The following PTPRT variants were observed in gnomAD, a reference collection of about 807,000 sequenced individuals.
The protein encoded by PTPRT is receptor-type tyrosine-protein phosphatase T.
A neutral mutation model predicts 176.8 loss-of-function variants in PTPRT; 56 were observed. That is an observed-to-expected ratio of 0.32 (90% CI 0.26 to 0.40). PTPRT has a LOEUF of 0.40. PTPRT is among the 10% of genes least tolerant of loss of function. PTPRT has a pLI of 1.00. For missense variants in PTPRT, 1,540 were observed against 1,908.2 expected, an observed-to-expected ratio of 0.81 and a Z score of 3.60; for synonymous variants, 783 against 739.0, an observed-to-expected ratio of 1.06 and a Z score of -0.96.
At position 42,379,130 on chromosome 20, in the gene PTPRT, T is replaced by A. The variant is rs142610376; in HGVS notation, c.1561-26845A>T. Among the ~76,000 whole-genome samples the A allele has an allele frequency of 2.3e-4, 35 of 152,296 alleles. 1 individual carries two copies. The East Asian group carries it at 6.2e-3, about 27-fold the overall frequency. On this transcript the variant is annotated intron_variant, in intron 9 of 30. Coordinates refer to ENST00000373187, the MANE Select transcript of PTPRT (RefSeq NM_007050.6). ...ACTCTGGCGTGCCCAGCCTCCCCAG[T>A]CTTATGCCTACCACTCCCTCCCTCA...
intron 9 of PTPRT, among the ~76,000 whole-genome samples, chr20:42,430,360 C>T (rs1048660070): frequency 8.5e-5 from 13 of 152,180 alleles, no homozygotes; most frequent in East Asian, 5.8e-4. Context: ...TGAACTTCAA[C>T]GTGCACAGTG....
rs34394692 is a variant in PTPRT, at chr20:42,329,947, T to C, written c.1866-13951A>G. ...TTTTTTAATTTAATATGTTACAAAA[T>C]AGCTGTAGTATCATATTTTTAATTG... On this transcript the variant is annotated intron_variant, in intron 11 of 30. Transcript: ENST00000373187. Among the ~76,000 whole-genome samples the C allele has an allele frequency of 9.0e-3, 1,367 of 152,278 alleles. 10 individuals are homozygous for C. Among genetic ancestry groups the C allele is most frequent in the Middle Eastern group, 0.031 (9 of 294 alleles).
At chr20:43,039,451 G>A (rs775997849) in intron 1 of PTPRT, among the ~76,000 whole-genome samples, 3 of 151,402 alleles carry the variant, frequency 2.0e-5, no homozygotes, top group Non-Finnish European at 2.9e-5. Flanking sequence ...AGAGAGGAAA[G>A]GAAGAAGGGA....
Position 42,851,526 on chromosome 20 carries a change from C to T in PTPRT, c.214+34281G>A, listed in dbSNP as rs74338054. ...ATTCCTTTTACTCTCAAAAATGTCCCTATTGAAACAAAAATAAATATGTCA... is the reference window on the plus strand; with the variant it reads ...ATTCCTTTTACTCTCAAAAATGTCCTTATTGAAACAAAAATAAATATGTCA... On this transcript the variant is annotated intron_variant, in intron 2 of 30. Coordinates refer to ENST00000373187, the MANE Select transcript of PTPRT (RefSeq NM_007050.6). Among the ~76,000 whole-genome samples, 1,207 of 152,202 alleles carry T rather than the reference C, an allele frequency of 7.9e-3. 14 individuals carry two copies. The highest frequency in any genetic ancestry group is 0.028 in the African/African-American group (1,147 of 41,528).
the PTPRT span, among the ~76,000 whole-genome samples, chr20:42,067,090 A>T: frequency 6.6e-6 from 1 of 152,108 alleles, no homozygotes; most frequent in African/African-American, 2.4e-5. Flanking sequence ...TCACCCTTAC[A>T]AGCGAAGGTG....
At chr20:42,482,970 ATG>A (rs945873572) in intron 7 of PTPRT, among the ~76,000 whole-genome samples, 12 of 152,188 alleles carry the variant, frequency 7.9e-5, no homozygotes, top group African/African-American at 2.9e-4. Flanking sequence ...ACCAAATTGC[ATG>A]TGTTTTGAAG....
Position 42,080,440 on chromosome 20 carries a change from C to G in PTPRT, c.*439G>C, listed in dbSNP as rs1017066476. 7 of 237,510 alleles carry G rather than the reference C, an allele frequency of 2.9e-5. No individual in the cohort carries two copies. Among genetic ancestry groups the G allele is most frequent in the Admixed American group, 5.4e-5 (1 of 18,396 alleles). The allele number at this position is 237,510 out of a possible 1,614,324, so 14.7% of individuals were successfully genotyped here. A position where few individuals can be genotyped will look rare whatever the true frequency, so the allele number is the denominator to read the frequency against. On this transcript the variant is annotated 3_prime_UTR_variant, in exon 31 of 31. Coordinates refer to ENST00000373187, the MANE Select transcript of PTPRT (RefSeq NM_007050.6). ...CAGCAGAGCAGTGACCCCCAAGAGC[C>G]TCAATCTTTTCCATGACGTAGAGGA... is the stretch of plus-strand genomic sequence containing the variant.
chr20:42,340,800 C>G (rs1568790312), intron 11 of PTPRT, among the ~76,000 whole-genome samples: 1 of 150,810 alleles, frequency 6.6e-6, no homozygotes, highest in African/African-American at 2.4e-5. Context: ...GATGCAAACT[C>G]TCATGGGGCC....
chr20:42,500,513 T>C lies in PTPRT; in HGVS notation c.1154-27951A>G, dbSNP rs73273361. Among the ~76,000 whole-genome samples the C allele has an allele frequency of 8.7e-3, 1,320 of 152,204 alleles. 18 individuals are homozygous for C. Among genetic ancestry groups the C allele is most frequent in the African/African-American group, 0.031 (1,279 of 41,540 alleles). Reference sequence around the variant, plus strand: ...GTAATCTTTTTTCCTCTCTAGACAATCATGCCACATGTGACTAGTATAACA... The same window carrying C: ...GTAATCTTTTTTCCTCTCTAGACAACCATGCCACATGTGACTAGTATAACA... On this transcript the variant is annotated intron_variant, in intron 7 of 30. Transcript: ENST00000373187.
At chr20:43,140,375 C>A (rs1472444509) in intron 1 of PTPRT, among the ~76,000 whole-genome samples, 3 of 151,912 alleles carry the variant, frequency 2.0e-5, no homozygotes, top group African/African-American at 7.3e-5. Flanking sequence ...CACACACACA[C>A]AAAATCAGAT....
intron 6 of PTPRT, among the ~76,000 whole-genome samples, chr20:42,718,906 G>A (rs758230958): frequency 5.9e-5 from 9 of 152,168 alleles, no homozygotes; most frequent in African/African-American, 1.4e-4. Context: ...GAGAGCTGAC[G>A]AGAGCCAATG....
At chr20:43,186,339 C>T (rs557004482) in intron 1 of PTPRT, among the ~76,000 whole-genome samples, 2 of 152,222 alleles carry the variant, frequency 1.3e-5, no homozygotes, top group Non-Finnish European at 2.9e-5. Flanking sequence ...AATTCCCCTG[C>T]GCCCACCCTC....
At chr20:42,852,139 T>C (rs1327481271) in intron 2 of PTPRT, among the ~76,000 whole-genome samples, 1 of 152,222 alleles carries the variant, frequency 6.6e-6, no homozygotes, top group Non-Finnish European at 1.5e-5. Context: ...AAATGTCCCT[T>C]TTGCCATTCT....
chr20:42,691,225 T>C (rs2075788509), intron 6 of PTPRT, among the ~76,000 whole-genome samples: 2 of 151,908 alleles, frequency 1.3e-5, no homozygotes, highest in East Asian at 3.9e-4. Flanking sequence ...GCAGAACAAA[T>C]ATGACAAGAT....
intron 2 of PTPRT, among the ~76,000 whole-genome samples, chr20:42,874,483 G>A (rs958201395): frequency 6.6e-6 from 1 of 152,156 alleles, no homozygotes; most frequent in Non-Finnish European, 1.5e-5. Context: ...ACAATTTTAA[G>A]TGTACAGATG....
intron 12 of PTPRT, among the ~76,000 whole-genome samples, chr20:42,297,092 T>C (rs200526396): frequency 2.0e-5 from 3 of 152,192 alleles, no homozygotes; most frequent in East Asian, 3.9e-4. Flanking sequence ...AATAAAGATA[T>C]AGTAGTGATC....
intron 9 of PTPRT, among the ~76,000 whole-genome samples, chr20:42,389,383 C>T (rs1384048334): frequency 6.6e-6 from 1 of 152,086 alleles, no homozygotes; most frequent in Non-Finnish European, 1.5e-5. Context: ...CAGCACACAT[C>T]ACATGTTGAG....
At chr20:42,875,636 A>G (rs1255822470) in intron 2 of PTPRT, among the ~76,000 whole-genome samples, 1 of 152,202 alleles carries the variant, frequency 6.6e-6, no homozygotes. Flanking sequence ...TTCACCCAGG[A>G]GAATATCATG....
rs200427009 is a variant in PTPRT, at chr20:42,272,512, TC to T, written c.2176+9976del. Among the ~76,000 whole-genome samples, 815 of 152,262 alleles carry T rather than the reference TC, an allele frequency of 5.4e-3. 8 individuals are homozygous for T. The highest frequency in any genetic ancestry group is 0.034 in the Middle Eastern group (10 of 294). On this transcript the variant is annotated intron_variant, in intron 13 of 30. Transcript: ENST00000373187. Reference sequence around the variant, plus strand: ...TTCAGAGAAGAGATGACTTACATGTTCCCACTTGGCCCCCTTCAGCAGCCTC... The same window carrying T: ...TTCAGAGAAGAGATGACTTACATGTTCCACTTGGCCCCCTTCAGCAGCCTC...
Sources: allele counts gnomAD v4.1 joint callset (sites outside exome capture counted in the v4.1 genomes callset), GRCh38; gene constraint gnomAD v4.1.1; transcripts MANE v1.5; gene names NCBI Gene and HGNC (gene_info 2026-07-23, HGNC 2026-07-21).